Variants in DSCAM observed in about 807,000 individuals in gnomAD.
DSCAM encodes the protein DS cell adhesion molecule, also known as cell adhesion molecule DSCAM.
In DSCAM, 47 loss-of-function variants were observed where a neutral mutation model predicts 217.7. That is an observed-to-expected ratio of 0.22 (90% CI 0.17 to 0.28). DSCAM has a LOEUF of 0.28. Among genes scored for constraint, DSCAM ranks in the 10% least tolerant of loss-of-function variants. The pLI, the probability that DSCAM is intolerant of heterozygous loss-of-function variation, is 1.00. For missense variants in DSCAM, 2,080 were observed against 2,618.3 expected (o/e 0.79, Z 4.49); for synonymous variants, 1,056 against 1,015.3 (o/e 1.04, Z -0.76).
chr21:40,837,736 T>C (rs1195392321), intron 1 of DSCAM, among the ~76,000 whole-genome samples: 3 of 152,204 alleles, frequency 2.0e-5, no homozygotes, highest in Non-Finnish European at 4.4e-5. Flanking sequence ...TTGCAGGAAC[T>C]GACAAGAACT....
chr21:40,109,110 G>A (rs1313423665), intron 20 of DSCAM, among the ~76,000 whole-genome samples: 1 of 152,152 alleles, frequency 6.6e-6, no homozygotes, highest in Non-Finnish European at 1.5e-5. Context: ...TCATGATGAA[G>A]ACACCAAAAG....
At chr21:40,488,696 C>T (rs573673491) in intron 3 of DSCAM, among the ~76,000 whole-genome samples, 214 of 152,222 alleles carry the variant, frequency 1.4e-3, no homozygotes, top group African/African-American at 4.9e-3. Context: ...TATTATAGCT[C>T]GAACAGTGAA....
chr21:40,711,755 C>G (rs2090782764), intron 1 of DSCAM, among the ~76,000 whole-genome samples: 1 of 152,202 alleles, frequency 6.6e-6, no homozygotes, highest in Admixed American at 6.5e-5. Context: ...TAAGTTGCAA[C>G]AATGCTGAAG....
At chr21:40,707,511 C>T (rs937799783) in intron 2 of DSCAM, among the ~76,000 whole-genome samples, 5 of 152,164 alleles carry the variant, frequency 3.3e-5, no homozygotes, top group African/African-American at 1.2e-4. Flanking sequence ...AGATCATATG[C>T]AGGAATTCAG....
chr21:40,789,227 G>A lies in DSCAM; in HGVS notation c.43+57392C>T, dbSNP rs534842039. Among the ~76,000 whole-genome samples the A allele has an allele frequency of 3.8e-4, 57 of 150,492 alleles. No individual in the cohort carries two copies. In the South Asian group the frequency reaches 4.4e-3, roughly 12 times the overall value. ...GAAACATTAAGACCTTCAGGACGACGAGGAAAGATAGCTGATAGCCGGAAG... is the reference window on the plus strand; with the variant it reads ...GAAACATTAAGACCTTCAGGACGACAAGGAAAGATAGCTGATAGCCGGAAG... On this transcript the variant is annotated intron_variant, in intron 1 of 32. Transcript: ENST00000400454.
rs35632591 is a variant in DSCAM, at chr21:40,619,843, G to GAA, written c.508+72965_508+72966dup. ...ACAGAGAAGATTTTAAGCATGTAAA[G>GAA]AAAAAAAAAAAAGCTCAACATATTA... On this transcript the variant is annotated intron_variant, in intron 3 of 32. Transcript: ENST00000400454. Among the ~76,000 whole-genome samples the GAA allele has an allele frequency of 5.4e-5, 7 of 129,824 alleles. No individual in the cohort carries two copies. In the East Asian group the frequency reaches 6.6e-4, roughly 12 times the overall value. 85.2% of individuals were successfully genotyped at this position (129,824 alleles called of 152,430 possible).
chr21:40,615,300 G>C (rs796376544), intron 3 of DSCAM: 1 of 108,892 alleles, frequency 9.2e-6, no homozygotes. Flanking sequence ...AAAAAAAAAA[G>C]AAAAGAAAAG....
chr21:40,667,883 T>C (rs557335989), intron 3 of DSCAM, among the ~76,000 whole-genome samples: 2 of 152,334 alleles, frequency 1.3e-5, no homozygotes, highest in South Asian at 2.1e-4. Context: ...TTCATAACAG[T>C]GTGAGAATGG....
At chr21:40,300,883 A>G (rs2074007358) in intron 9 of DSCAM, among the ~76,000 whole-genome samples, 1 of 152,216 alleles carries the variant, frequency 6.6e-6, no homozygotes, top group Non-Finnish European at 1.5e-5. Context: ...GGCTGCTGGT[A>G]CAGAGACCAC....
At chr21:40,766,362 T>C (rs544725048) in intron 1 of DSCAM, among the ~76,000 whole-genome samples, 1 of 152,112 alleles carries the variant, frequency 6.6e-6, no homozygotes, top group South Asian at 2.1e-4. Context: ...AAGGATTAAA[T>C]ACATATCCTT....
chr21:40,602,291 G>C (rs2077068257), intron 3 of DSCAM, among the ~76,000 whole-genome samples: 1 of 152,036 alleles, frequency 6.6e-6, no homozygotes, highest in South Asian at 2.1e-4. Flanking sequence ...GAAATCCTGA[G>C]CTCAAGCAAT....
intron 11 of DSCAM, among the ~76,000 whole-genome samples, chr21:40,266,422 C>T (rs913809025): frequency 3.3e-5 from 5 of 151,978 alleles, no homozygotes; most frequent in Non-Finnish European, 7.4e-5. Context: ...TTAGCACAAT[C>T]TCTACAGAAA....
At chr21:40,607,400 AT>A (rs58893055) in intron 3 of DSCAM, among the ~76,000 whole-genome samples, 3,143 of 121,122 alleles carry the variant, frequency 0.026, 43 homozygotes, top group Admixed American at 0.046. Context: ...TTTAATTCTG[AT>A]TTTTTTTTTT....
intron 3 of DSCAM, among the ~76,000 whole-genome samples, chr21:40,580,791 C>A (rs1242687141): frequency 6.6e-6 from 1 of 152,046 alleles, no homozygotes; most frequent in Non-Finnish European, 1.5e-5. Context: ...AATATATGTA[C>A]CTACATGACT....
intron 20 of DSCAM, among the ~76,000 whole-genome samples, chr21:40,096,355 C>A (rs2089677028): frequency 6.6e-6 from 1 of 152,140 alleles, no homozygotes; most frequent in African/African-American, 2.4e-5. Context: ...GCTCGGACCA[C>A]CTTGAGCACA....
In DSCAM at chr21:40,338,222, C is replaced by T. The variant is rs1200225207; in HGVS notation, c.1662G>A (p.Glu554=). 1 of 1,614,260 alleles carries T rather than the reference C, an allele frequency of 6.2e-7. No homozygotes were observed. Among genetic ancestry groups the T allele is most frequent in the African/African-American group, 1.3e-5 (1 of 75,074 alleles). The change falls in exon 8 of 33, where the codon GAG becomes GAA. Residue 554 remains glutamate, a synonymous_variant. Transcript: ENST00000400454. ...LPFNHRQVAF[E]NNGTLKLSDV... is the part of the protein sequence containing the mutation. ...CTGAAAGTTTAAGAGTTCCATTGTT[C>T]TCAAATGCCACTTGGCGGTGGTTGA...
chr21:40,697,260 T>C (rs1321322400), intron 2 of DSCAM, among the ~76,000 whole-genome samples: 1 of 152,234 alleles, frequency 6.6e-6, no homozygotes, highest in Non-Finnish European at 1.5e-5. Flanking sequence ...CAAATATTAA[T>C]AGTCTCCCCA....
In DSCAM at chr21:40,158,587, C is replaced by T. The variant is rs560770409; in HGVS notation, c.3018+8631G>A. On this transcript the variant is annotated intron_variant, in intron 16 of 32. Transcript: ENST00000400454. The stretch of plus-strand genomic sequence containing the variant: ...TGCAACACGTGCCACAGATTCCACA[C>T]GGGCCCACGGGAGCAACACAGGCAC... 9.9e-5 allele frequency among the ~76,000 whole-genome samples: 15 copies of T among 152,270 alleles called. No homozygotes were observed. The South Asian group carries it at 2.5e-3, about 25-fold the overall frequency.
chr21:40,349,506 T>C (rs1172561461), intron 5 of DSCAM, among the ~76,000 whole-genome samples: 1 of 152,166 alleles, frequency 6.6e-6, no homozygotes, highest in Admixed American at 6.5e-5. Flanking sequence ...AAGGATGAGG[T>C]TAAACTCACA....
Sources: allele counts gnomAD v4.1 joint callset (sites outside exome capture counted in the v4.1 genomes callset), GRCh38; gene constraint gnomAD v4.1.1; transcripts MANE v1.5; gene names NCBI Gene and HGNC (gene_info 2026-07-23, HGNC 2026-07-21).